COMT: variants seen among roughly 807,000 people sequenced by gnomAD.
The protein encoded by COMT is catechol O-methyltransferase.
COMT carries 13 observed loss-of-function variants against 18.9 expected under a neutral mutation model. The observed-to-expected ratio is 0.69, with a 90% CI of 0.45 to 1.09. The LOEUF is 1.09. Among genes scored for constraint, COMT ranks in the 50% least tolerant of loss-of-function variants. The pLI, the probability that COMT is intolerant of heterozygous loss-of-function variation, is 0.00. For synonymous variants in COMT, 150 were observed against 160.9 expected (o/e 0.93, Z 0.51); for missense variants, 329 against 361.8 (o/e 0.91, Z 0.73).
rs540752141 is a variant in COMT, at chr22:19,942,948, G to A, written c.-92+1051G>A. Among the ~76,000 whole-genome samples the A allele has an allele frequency of 3.9e-5, 6 of 152,350 alleles. No individual in the cohort carries two copies. In the East Asian group the frequency reaches 1.2e-3, roughly 29 times the overall value. On this transcript the variant is annotated intron_variant, in intron 1 of 5. Coordinates refer to ENST00000361682, the MANE Select transcript of COMT (RefSeq NM_000754.4). Reference sequence around the variant, plus strand: ...GCCCCCAACCTCCCACAGAGACTGGGAGACAGGGGCCCCATCCTCAGGTGT... The same window carrying A: ...GCCCCCAACCTCCCACAGAGACTGGAAGACAGGGGCCCCATCCTCAGGTGT...
rs550109761 is a variant in COMT at position 19,943,519 on chromosome 22, A to G, written c.-92+1622A>G. Among the ~76,000 whole-genome samples the G allele has an allele frequency of 1.6e-4, 25 of 152,106 alleles. 1 individual carries two copies. The East Asian group carries it at 4.6e-3, about 28-fold the overall frequency. ...TAGCCCGGCGTGGTGGCATGGGCCTATAGTTCCAGCTACTTGGGAGGCTGA... is the reference window on the plus strand; with the variant it reads ...TAGCCCGGCGTGGTGGCATGGGCCTGTAGTTCCAGCTACTTGGGAGGCTGA... On this transcript the variant is annotated intron_variant, in intron 1 of 5. Transcript: ENST00000361682.
At chr22:19,951,080 G>A (rs191585909) in intron 1 of COMT, 1 of 152,262 alleles carries the variant, frequency 6.6e-6, no homozygotes, top group East Asian at 1.9e-4. Context: ...GAAGCCTGGG[G>A]CGGGCGCGGT....
intron 3 of COMT, 132 bp downstream of exon 3, chr22:19,962,947 C>A: frequency 2.5e-6 from 3 of 1,201,844 alleles, no homozygotes; most frequent in Non-Finnish European, 3.4e-6. Context: ...CCAGATAGGG[C>A]TGGGGGGCTC....
chr22:19,958,690 A>G (rs1942120311), intron 1 of COMT, among the ~76,000 whole-genome samples: 1 of 146,564 alleles, frequency 6.8e-6, no homozygotes, highest in African/African-American at 2.5e-5. Context: ...CCTGGGCAAA[A>G]TATCGAGACC....
chr22:19,952,338 T>C (rs1941956704), intron 1 of COMT, among the ~76,000 whole-genome samples: 1 of 151,716 alleles, frequency 6.6e-6, no homozygotes, highest in East Asian at 1.9e-4. Context: ...CAAGACCCTG[T>C]CTTTAAAAAC....
chr22:19,952,033 C>T (rs985150494), intron 1 of COMT, among the ~76,000 whole-genome samples: 1 of 152,236 alleles, frequency 6.6e-6, no homozygotes, highest in African/African-American at 2.4e-5. Flanking sequence ...TGCAGTATGG[C>T]TTACACCTGT....
intron 1 of COMT, among the ~76,000 whole-genome samples, chr22:19,948,032 T>A (rs1941867946): frequency 6.6e-6 from 1 of 152,190 alleles, no homozygotes; most frequent in South Asian, 2.1e-4. Context: ...TGGCCTGGTT[T>A]CTCCTAGGTT....
intron 1 of COMT, among the ~76,000 whole-genome samples, chr22:19,944,277 G>A (rs79001037): frequency 6.6e-6 from 1 of 152,346 alleles, no homozygotes; most frequent in South Asian, 2.1e-4. Context: ...CGGGCCCGGT[G>A]GCTCATGCCT....
chr22:19,944,595 C>T lies in COMT; in HGVS notation c.-92+2698C>T, dbSNP rs373434142. ...ATCCCAGCACTTTGGGAGGCCGAGGCGGGTGGATCACGAGGTCAGGAGATC... is the reference window on the plus strand; with the variant it reads ...ATCCCAGCACTTTGGGAGGCCGAGGTGGGTGGATCACGAGGTCAGGAGATC... On this transcript the variant is annotated intron_variant, in intron 1 of 5. Coordinates refer to ENST00000361682, the MANE Select transcript of COMT (RefSeq NM_000754.4). Among the ~76,000 whole-genome samples the T allele has an allele frequency of 8.2e-4, 125 of 151,890 alleles. 2 individuals carry two copies. In the South Asian group the frequency reaches 0.025, roughly 31 times the overall value.
chr22:19,954,432 GTC>G (rs1942017020), intron 1 of COMT, among the ~76,000 whole-genome samples: 1 of 152,138 alleles, frequency 6.6e-6, no homozygotes, highest in Admixed American at 6.6e-5. Flanking sequence ...CACGGACAAT[GTC>G]TGTGCAATTG....
chr22:19,968,638 G>A lies in COMT; in HGVS notation c.718G>A (p.Glu240Lys), dbSNP rs1377127608. 7.4e-6 allele frequency: 12 copies of A among 1,614,090 alleles called. No individual in the cohort carries two copies. In the East Asian group the frequency reaches 2.2e-4, roughly 30 times the overall value. Residue 240 changes from glutamate (E) to lysine (K), a missense_variant, in exon 6 of 6, where the codon GAG becomes AAG. Transcript: ENST00000361682. ...LAHVRGSSCF[E>K]CTHYQSFLEY... Reference sequence around the variant, plus strand: ...ACACGTGCGCGGGAGCAGCTGCTTTGAGTGCACACACTACCAATCGTTCCT... The same window carrying A: ...ACACGTGCGCGGGAGCAGCTGCTTTAAGTGCACACACTACCAATCGTTCCT...
At chr22:19,943,901 A>AG (rs5844402) in intron 1 of COMT, among the ~76,000 whole-genome samples, 1,550 of 151,852 alleles carry the variant, frequency 0.01, 15 homozygotes, top group African/African-American at 0.034. Flanking sequence ...CAGGAGCTGG[A>AG]GGGGGGGTCT....
chr22:19,956,598 G>A lies in COMT; in HGVS notation c.-91-4601G>A, dbSNP rs561507843. On this transcript the variant is annotated intron_variant, in intron 1 of 5. Transcript: ENST00000361682. ...TCACCATATTGGCCAGGCTGATCTC[G>A]AAATCCTGACCTTGTGGTCTGCCCG... Among the ~76,000 whole-genome samples the A allele has an allele frequency of 7.2e-5, 11 of 152,128 alleles. No homozygotes were observed. In the East Asian group the frequency reaches 1.4e-3, roughly 19 times the overall value.
intron 4 of COMT, 199 bp from the exon 5 acceptor site, chr22:19,963,969 A>T: frequency 8.2e-7 from 1 of 1,217,402 alleles, no homozygotes; most frequent in Non-Finnish European, 1.2e-6. Flanking sequence ...TAAACTGCCA[A>T]GGTGGCACCA....
At chr22:19,965,536 T>C (rs165895) in intron 5 of COMT, 47,181 of 151,908 alleles carry the variant, frequency 0.31, 7,524 homozygotes, top group Middle Eastern at 0.36. Flanking sequence ...GAGATGGGGT[T>C]TCACCACATT....
chr22:19,958,814 C>T (rs1942124161), intron 1 of COMT, among the ~76,000 whole-genome samples: 1 of 151,710 alleles, frequency 6.6e-6, no homozygotes, highest in Admixed American at 6.6e-5. Context: ...ATCCCTTGAG[C>T]CCAGGAGGTC....
chr22:19,964,758 C>T, intron 5 of COMT: 1 of 409,474 alleles, frequency 2.4e-6, no homozygotes, highest in Non-Finnish European at 4.6e-6. Context: ...CCCAACCCAG[C>T]CCCACTGGCG....
chr22:19,966,703 A>G (rs936792609), intron 5 of COMT, among the ~76,000 whole-genome samples: 1 of 151,912 alleles, frequency 6.6e-6, no homozygotes, highest in African/African-American at 2.4e-5. Context: ...AACCTCCCAA[A>G]GTGCTGGGAG....
intron 3 of COMT, 77 bp from the exon 4 acceptor site, chr22:19,963,489 G>A (rs1942251208): frequency 2.0e-6 from 3 of 1,525,094 alleles, no homozygotes; most frequent in African/African-American, 1.4e-5. Context: ...TGGGAGAGGT[G>A]GGGGGCCGTG....
Sources: gnomAD v4.1 joint callset for allele counts (sites outside exome capture counted in the v4.1 genomes callset) on GRCh38, gnomAD v4.1.1 for gene constraint, MANE v1.5 for transcripts, NCBI Gene and HGNC (gene_info 2026-07-23, HGNC 2026-07-21) for gene names.